Variants in XKR4 observed in about 807,000 individuals in gnomAD.
XKR4 encodes XK related 4, also known as XK-related protein 4.
A neutral mutation model predicts 53.9 loss-of-function variants in XKR4; 12 were observed. The observed-to-expected ratio is 0.22, with a 90% CI of 0.14 to 0.36. XKR4 has a LOEUF of 0.36. Among genes scored for constraint, XKR4 ranks in the 10% least tolerant of loss-of-function variants. XKR4 has a pLI of 1.00. For missense variants in XKR4, 799 were observed against 859.5 expected (o/e 0.93, Z 0.88); for synonymous variants, 354 against 362.4 (o/e 0.98, Z 0.26).
At chr8:55,244,507 G>A (rs1405951888) in intron 1 of XKR4, among the ~76,000 whole-genome samples, 1 of 152,168 alleles carries the variant, frequency 6.6e-6, no homozygotes, top group Non-Finnish European at 1.5e-5. Context: ...TTGCTATTGT[G>A]AATAGTACTG....
At chr8:55,248,921 T>C (rs1439164294) in intron 1 of XKR4, among the ~76,000 whole-genome samples, 1 of 152,126 alleles carries the variant, frequency 6.6e-6, no homozygotes, top group African/African-American at 2.4e-5. Context: ...ACGGGCCTTC[T>C]GGGACCTTGA....
At chr8:55,171,122 A>T (rs369831648) in intron 1 of XKR4, among the ~76,000 whole-genome samples, 19 of 152,224 alleles carry the variant, frequency 1.2e-4, no homozygotes, top group African/African-American at 4.3e-4. Context: ...AAATACTTAC[A>T]CATACACACT....
chr8:55,493,045 G>C (rs1233077279), intron 2 of XKR4, among the ~76,000 whole-genome samples: 4 of 152,312 alleles, frequency 2.6e-5, no homozygotes, highest in Admixed American at 2.0e-4. Context: ...GAAAGTTTCT[G>C]TCTATCCACA....
chr8:55,154,810 T>C (rs1193291794), intron 1 of XKR4, among the ~76,000 whole-genome samples: 1 of 152,224 alleles, frequency 6.6e-6, no homozygotes, highest in Non-Finnish European at 1.5e-5. Context: ...GTGGTTATAA[T>C]TAATTAAAAT....
At chr8:55,198,102 T>G (rs1206806594) in intron 1 of XKR4, among the ~76,000 whole-genome samples, 1 of 152,170 alleles carries the variant, frequency 6.6e-6, no homozygotes, top group East Asian at 1.9e-4. Flanking sequence ...CGCAGGAACA[T>G]CTCTATCACG....
chr8:55,362,998 G>A (rs548632879), intron 2 of XKR4, among the ~76,000 whole-genome samples: 19 of 152,288 alleles, frequency 1.2e-4, no homozygotes, highest in Middle Eastern at 3.4e-3. Context: ...AACATTGTGC[G>A]GAAATAATGC....
intron 2 of XKR4, among the ~76,000 whole-genome samples, chr8:55,503,949 A>G (rs1380374436): frequency 6.6e-6 from 1 of 151,918 alleles, no homozygotes; most frequent in African/African-American, 2.4e-5. Flanking sequence ...TTTTGCATCT[A>G]TTGAGATGAT....
At chr8:55,298,452 C>G (rs1036569467) in intron 1 of XKR4, among the ~76,000 whole-genome samples, 1 of 152,082 alleles carries the variant, frequency 6.6e-6, no homozygotes. Context: ...TGATGAGGAC[C>G]TCAGGAAGCT....
chr8:55,242,274 C>T (rs954256676), intron 1 of XKR4, among the ~76,000 whole-genome samples: 1 of 152,146 alleles, frequency 6.6e-6, no homozygotes, highest in Non-Finnish European at 1.5e-5. Context: ...ACCAGCATCT[C>T]CTTGGCAATC....
In XKR4 at chr8:55,523,716, C is replaced by T; in HGVS notation, c.1442C>T (p.Pro481Leu). Residue 481 changes from proline to leucine, a missense_variant, in exon 3 of 3, where the codon CCC becomes CTC. Around this residue, in one of 3 missense-constraint regions of XKR4, gnomAD observed 269 missense variants for 264.4 expected, o/e 1.02. Transcript: ENST00000327381. Reference sequence around the variant, plus strand: ...GCCCTCTGGTACCTCTACAAGGCTCCCCAGATTGCAGACGCATTTGCCATT... The same window carrying T: ...GCCCTCTGGTACCTCTACAAGGCTCTCCAGATTGCAGACGCATTTGCCATT... ...LSALWYLYKA[P>L]QIADAFAIPA... 1 of 1,614,170 alleles carries T rather than the reference C, an allele frequency of 6.2e-7. No homozygotes were observed. Among genetic ancestry groups the T allele is most frequent in the Non-Finnish European group, 8.5e-7 (1 of 1,180,036 alleles).
At chr8:55,300,776 C>A (rs752762165) in intron 1 of XKR4, among the ~76,000 whole-genome samples, 1 of 152,008 alleles carries the variant, frequency 6.6e-6, no homozygotes, top group Non-Finnish European at 1.5e-5. Flanking sequence ...GCAGGATGAT[C>A]GCCCCAACAA....
At chr8:55,360,995 G>A (rs1803895401) in intron 2 of XKR4, among the ~76,000 whole-genome samples, 1 of 152,198 alleles carries the variant, frequency 6.6e-6, no homozygotes, top group African/African-American at 2.4e-5. Flanking sequence ...GCAGGAATCA[G>A]GGCAAAGCTG....
At chr8:55,455,159 G>C in intron 2 of XKR4, 1 of 555,770 alleles carries the variant, frequency 1.8e-6, no homozygotes, top group Non-Finnish European at 3.3e-6. Context: ...CGCTGGGCGG[G>C]CTCCGCGGCT....
intron 1 of XKR4, among the ~76,000 whole-genome samples, chr8:55,199,425 TTAA>T (rs1817545473): frequency 6.6e-6 from 1 of 152,222 alleles, no homozygotes; most frequent in South Asian, 2.1e-4. Flanking sequence ...AAAGCACCCA[TTAA>T]TAACTTACAT....
At chr8:55,295,113 C>T (rs763915046) in intron 1 of XKR4, among the ~76,000 whole-genome samples, 1 of 152,172 alleles carries the variant, frequency 6.6e-6, no homozygotes, top group African/African-American at 2.4e-5. Context: ...TGCTAACACT[C>T]AGTGTAAGAC....
At chr8:55,260,692 A>G (rs1336055857) in intron 1 of XKR4, among the ~76,000 whole-genome samples, 2 of 152,078 alleles carry the variant, frequency 1.3e-5, no homozygotes, top group African/African-American at 4.8e-5. Context: ...GGGCCCAAAG[A>G]TTGGTTGGAC....
intron 1 of XKR4, among the ~76,000 whole-genome samples, chr8:55,256,610 T>C (rs1278845024): frequency 6.6e-6 from 1 of 152,104 alleles, no homozygotes; most frequent in East Asian, 1.9e-4. Flanking sequence ...ATTTTCTCCA[T>C]TGAGAGAGAG....
chr8:55,402,509 G>T (rs981627925), intron 2 of XKR4, among the ~76,000 whole-genome samples: 1 of 152,190 alleles, frequency 6.6e-6, no homozygotes, highest in African/African-American at 2.4e-5. Flanking sequence ...TAGAAAGTGG[G>T]GTTAGCACCC....
intron 2 of XKR4, among the ~76,000 whole-genome samples, chr8:55,448,072 A>G (rs757440400): frequency 1.3e-5 from 2 of 152,212 alleles, no homozygotes; most frequent in Non-Finnish European, 2.9e-5. Context: ...GCTAAAAAGA[A>G]CAGCAAAAGT....
Sources: allele counts gnomAD v4.1 joint callset (sites outside exome capture counted in the v4.1 genomes callset), GRCh38; gene constraint gnomAD v4.1.1; regional missense constraint gnomAD v4.1.1; transcripts MANE v1.5; gene names NCBI Gene and HGNC (gene_info 2026-07-23, HGNC 2026-07-21).